ST3GAL1: variants seen among roughly 807,000 people sequenced by gnomAD.
ST3GAL1 encodes the protein CMP-N-acetylneuraminate-beta-galactosamide-alpha-2,3-sialyltransferase 1.
ST3GAL1 carries 16 observed loss-of-function variants against 34.1 expected under a neutral mutation model. The observed-to-expected ratio is 0.47, with a 90% CI of 0.32 to 0.71. The LOEUF (loss-of-function observed/expected upper bound fraction) is 0.71. ST3GAL1 is among the 30% of genes least tolerant of loss of function. The pLI, the probability that ST3GAL1 is intolerant of heterozygous loss-of-function variation, is 0.04. For missense variants in ST3GAL1, 353 were observed against 447.4 expected, an observed-to-expected ratio of 0.79 and a Z score of 1.90; for synonymous variants, 191 against 184.7, an observed-to-expected ratio of 1.03 and a Z score of -0.28.
chr8:133,504,231 C>T (rs569231776), intron 2 of ST3GAL1, among the ~76,000 whole-genome samples: 40 of 152,340 alleles, frequency 2.6e-4, no homozygotes, highest in Non-Finnish European at 5.1e-4. Flanking sequence ...AGCCAGCCAG[C>T]CTCAGAACTT....
rs1166875845 is a variant in ST3GAL1, at chr8:133,570,962, C to T, written c.-582+731G>A. ...TCAGAGTTTCGAGTTGCCACTAACACGACTCCGGCCGTGCTCTCCTTGGCC... is the reference window on the plus strand; with the variant it reads ...TCAGAGTTTCGAGTTGCCACTAACATGACTCCGGCCGTGCTCTCCTTGGCC... On this transcript the variant is annotated intron_variant, in intron 1 of 9. Transcript: ENST00000522652. The surrounding 1 kb of genome is among the most constrained non-coding windows in gnomAD (Gnocchi z 5.6). Among the ~76,000 whole-genome samples the T allele has an allele frequency of 6.6e-6, 1 of 152,220 alleles. No homozygotes were observed. The highest frequency in any genetic ancestry group is 1.5e-5 in the Non-Finnish European group (1 of 68,032).
At chr8:133,547,117 T>C (rs1367861780) in intron 1 of ST3GAL1, among the ~76,000 whole-genome samples, 1 of 151,964 alleles carries the variant, frequency 6.6e-6, no homozygotes, top group Non-Finnish European at 1.5e-5. Context: ...GCACGCACAC[T>C]CTGCAGTGTG....
intron 1 of ST3GAL1, among the ~76,000 whole-genome samples, chr8:133,565,569 C>T (rs1427099619): frequency 2.0e-5 from 3 of 152,186 alleles, no homozygotes; most frequent in Admixed American, 6.5e-5. Flanking sequence ...TATTCAGACC[C>T]TCCATTCAAT....
At chr8:133,479,337 G>A (rs140165050) in intron 3 of ST3GAL1, among the ~76,000 whole-genome samples, 3 of 152,106 alleles carry the variant, frequency 2.0e-5, no homozygotes, top group Non-Finnish European at 4.4e-5. Flanking sequence ...AGGAGTGGGT[G>A]GGGGGTGAGG....
chr8:133,563,547 A>T (rs961656634), intron 1 of ST3GAL1, among the ~76,000 whole-genome samples: 3 of 152,188 alleles, frequency 2.0e-5, no homozygotes, highest in Non-Finnish European at 2.9e-5. Flanking sequence ...ATAGGTAGTC[A>T]AAAAGGGAGC....
chr8:133,533,981 T>C (rs540162189), intron 2 of ST3GAL1, among the ~76,000 whole-genome samples: 29 of 152,298 alleles, frequency 1.9e-4, no homozygotes, highest in African/African-American at 6.7e-4. Context: ...CCATATAGCA[T>C]AATTGTTTGG....
chr8:133,551,594 GAAAGAA>G (rs1563739141), intron 1 of ST3GAL1, among the ~76,000 whole-genome samples: 2 of 150,334 alleles, frequency 1.3e-5, no homozygotes, highest in Non-Finnish European at 2.9e-5. Context: ...AAGAAAGAAA[GAAAGAA>G]AGAAAGAAAG....
intron 2 of ST3GAL1, among the ~76,000 whole-genome samples, chr8:133,540,838 G>T (rs1426669759): frequency 2.1e-5 from 2 of 94,168 alleles, no homozygotes; most frequent in African/African-American, 4.0e-5. Flanking sequence ...TATATATAGA[G>T]AGACATATAT....
intron 8 of ST3GAL1, 50 bp from the exon 9 acceptor site, chr8:133,462,044 A>C: frequency 6.2e-7 from 1 of 1,611,702 alleles, no homozygotes; most frequent in South Asian, 1.1e-5. Flanking sequence ...GGGGCAAAGG[A>C]CATGGAGCGC....
At chr8:133,505,505 C>T (rs1216759245) in intron 2 of ST3GAL1, among the ~76,000 whole-genome samples, 3 of 152,180 alleles carry the variant, frequency 2.0e-5, no homozygotes, top group Non-Finnish European at 2.9e-5. Flanking sequence ...CATCTGCCAA[C>T]GAGCTAATTT....
intron 2 of ST3GAL1, among the ~76,000 whole-genome samples, chr8:133,532,288 A>G (rs1291649854): frequency 1.3e-5 from 2 of 152,098 alleles, no homozygotes; most frequent in Non-Finnish European, 2.9e-5. Flanking sequence ...CCTGGCCAAC[A>G]TGGTGAAACC....
At chr8:133,464,740 G>A (rs750003666) in intron 7 of ST3GAL1, 38 bp downstream of exon 7, 1 of 1,589,638 alleles carries the variant, frequency 6.3e-7, no homozygotes, top group Non-Finnish European at 8.6e-7. Flanking sequence ...CCACTGCAAG[G>A]GGCAGAGCAG....
intron 2 of ST3GAL1, among the ~76,000 whole-genome samples, chr8:133,512,221 T>C (rs962959138): frequency 2.0e-5 from 3 of 152,140 alleles, no homozygotes; most frequent in African/African-American, 7.2e-5. Context: ...CAGTCTGTGG[T>C]CAAAGGCCCA....
intron 1 of ST3GAL1, among the ~76,000 whole-genome samples, chr8:133,548,818 T>C (rs1818744971): frequency 6.6e-6 from 1 of 152,174 alleles, no homozygotes; most frequent in Non-Finnish European, 1.5e-5. Flanking sequence ...GGGAGCTATA[T>C]TTTACTTGTC....
At chr8:133,498,894 G>A (rs190008442) in intron 3 of ST3GAL1, among the ~76,000 whole-genome samples, 2 of 152,200 alleles carry the variant, frequency 1.3e-5, no homozygotes, top group Non-Finnish European at 2.9e-5. Context: ...CCTAAGCTCC[G>A]GGTTTGTCCC....
In ST3GAL1 at chr8:133,535,245, AT is replaced by A. The variant is rs1441080417; in HGVS notation, c.-429+10528del. Among the ~76,000 whole-genome samples, 4 of 152,346 alleles carry A rather than the reference AT, an allele frequency of 2.6e-5. No homozygotes were observed. In the South Asian group the frequency reaches 8.3e-4, roughly 32 times the overall value. ...GATGAGCCCAGGCTAGAGCTACATT[AT>A]ATCTATATCTATATCCATAGCCACA... On this transcript the variant is annotated intron_variant, in intron 2 of 9. Transcript: ENST00000522652.
chr8:133,476,245 C>T lies in ST3GAL1; in HGVS notation c.-51+33G>A, dbSNP rs552258091. ...GGCTGTGTGGTAGACCAACGCCATTCGTGGCATGTTGGCTTTGCTTGCATA... is the reference window on the plus strand; with the variant it reads ...GGCTGTGTGGTAGACCAACGCCATTTGTGGCATGTTGGCTTTGCTTGCATA... On this transcript the variant is annotated intron_variant, in intron 4 of 9. Transcript: ENST00000522652. 6 of 472,116 alleles carry T rather than the reference C, an allele frequency of 1.3e-5. No individual in the cohort carries two copies. The South Asian group carries it at 1.4e-4, about 11-fold the overall frequency. The allele number at this position is 472,116 out of a possible 1,614,324, so 29.2% of individuals were successfully genotyped here.
At position 133,476,034 on chromosome 8, in the gene ST3GAL1, C is replaced by A; in HGVS notation, c.-10G>T. ...TCCGCAGGGTCACCATCTTCGCAGT[C>A]CTGATGGTGGCCTCCCACGATGGGT... On this transcript the variant is annotated 5_prime_UTR_variant, in exon 5 of 10. Coordinates refer to ENST00000522652, the MANE Select transcript of ST3GAL1 (RefSeq NM_173344.3). 6.4e-7 allele frequency: 1 copy of A among 1,551,812 alleles called. No homozygotes were observed. The highest frequency in any genetic ancestry group is 1.2e-5 in the South Asian group (1 of 81,362).
At chr8:133,549,540 T>C (rs1294651108) in intron 1 of ST3GAL1, among the ~76,000 whole-genome samples, 1 of 152,222 alleles carries the variant, frequency 6.6e-6, no homozygotes, top group Non-Finnish European at 1.5e-5. Flanking sequence ...AGACTCTTCA[T>C]GAAGCAACGC....
Sources: gnomAD v4.1 joint callset for allele counts (sites outside exome capture counted in the v4.1 genomes callset) on GRCh38, gnomAD v4.1.1 for gene constraint, Gnocchi (gnomAD v3.1) non-coding constraint, MANE v1.5 for transcripts, NCBI Gene and HGNC (gene_info 2026-07-23, HGNC 2026-07-21) for gene names.